The following HS6ST3 variants were observed in gnomAD, a reference collection of about 807,000 sequenced individuals.
HS6ST3 encodes the protein heparan sulfate 6-O-sulfotransferase 3, also known as heparan-sulfate 6-O-sulfotransferase 3.
In HS6ST3, 12 loss-of-function variants were observed where a neutral mutation model predicts 36.7. That is an observed-to-expected ratio of 0.33 (90% CI 0.21 to 0.53). The LOEUF is 0.53. HS6ST3 is among the 20% of genes least tolerant of loss of function. HS6ST3 has a pLI of 0.95. For synonymous variants in HS6ST3, 240 were observed against 257.5 expected (o/e 0.93, Z 0.65); for missense variants, 584 against 640.9 (o/e 0.91, Z 0.96).
chr13:96,829,271 G>A (rs188459122), intron 1 of HS6ST3, among the ~76,000 whole-genome samples: 45 of 152,088 alleles, frequency 3.0e-4, no homozygotes, highest in Non-Finnish European at 2.9e-5. Context: ...GTTTTGAGAA[G>A]AAGGGGGTAA....
At chr13:96,409,753 A>G (rs1296491452) in intron 1 of HS6ST3, among the ~76,000 whole-genome samples, 1 of 152,224 alleles carries the variant, frequency 6.6e-6, no homozygotes, top group African/African-American at 2.4e-5. Context: ...ATGGAATTAG[A>G]CACCAAGAAG....
chr13:96,520,399 G>C (rs948168827), intron 1 of HS6ST3, among the ~76,000 whole-genome samples: 2 of 152,162 alleles, frequency 1.3e-5, no homozygotes, highest in African/African-American at 4.8e-5. Context: ...AAGAAAGTCA[G>C]TGGTAGCTTG....
At chr13:96,567,250 A>C (rs1224688359) in intron 1 of HS6ST3, among the ~76,000 whole-genome samples, 1 of 152,088 alleles carries the variant, frequency 6.6e-6, no homozygotes, top group Non-Finnish European at 1.5e-5. Context: ...CTGAGCAAAA[A>C]TTGTATTTCA....
At chr13:96,224,935 G>A (rs566278626) in intron 1 of HS6ST3, among the ~76,000 whole-genome samples, 11 of 152,304 alleles carry the variant, frequency 7.2e-5, no homozygotes, top group African/African-American at 2.4e-4. Context: ...TAAGTGGAGC[G>A]TGTTTGCATT....
chr13:96,490,497 TA>T (rs2055939540), intron 1 of HS6ST3, among the ~76,000 whole-genome samples: 1 of 152,162 alleles, frequency 6.6e-6, no homozygotes, highest in South Asian at 2.1e-4. Context: ...ATTACAATGC[TA>T]AAAGATTTAT....
intron 1 of HS6ST3, among the ~76,000 whole-genome samples, chr13:96,726,605 T>C (rs1288520530): frequency 6.6e-6 from 1 of 152,250 alleles, no homozygotes; most frequent in Non-Finnish European, 1.5e-5. Flanking sequence ...TTTTCTTGTA[T>C]AATTCATTGG....
chr13:96,336,889 C>G (rs2055104092), intron 1 of HS6ST3, among the ~76,000 whole-genome samples: 1 of 152,070 alleles, frequency 6.6e-6, no homozygotes, highest in Non-Finnish European at 1.5e-5. Flanking sequence ...ACAGGTGAGC[C>G]AAGAAGTATG....
At chr13:96,550,962 A>T (rs1193456811) in intron 1 of HS6ST3, among the ~76,000 whole-genome samples, 1 of 152,210 alleles carries the variant, frequency 6.6e-6, no homozygotes. Context: ...CAGTAATTAT[A>T]AAATTATTAA....
intron 1 of HS6ST3, among the ~76,000 whole-genome samples, chr13:96,543,977 C>A (rs2056187970): frequency 6.9e-6 from 1 of 144,074 alleles, no homozygotes; most frequent in African/African-American, 2.8e-5. Context: ...ATATATAATT[C>A]TAAACCTTAT....
chr13:96,097,258 A>G (rs1171178534), intron 1 of HS6ST3, among the ~76,000 whole-genome samples: 1 of 152,162 alleles, frequency 6.6e-6, no homozygotes, highest in Non-Finnish European at 1.5e-5. Context: ...AGCTGCCAAC[A>G]ATGTGGATTT....
chr13:96,106,664 AG>A (rs2053843203), intron 1 of HS6ST3, among the ~76,000 whole-genome samples: 1 of 152,244 alleles, frequency 6.6e-6, no homozygotes, highest in African/African-American at 2.4e-5. Flanking sequence ...ACCAAAATGA[AG>A]GCAGCGTATT....
intron 1 of HS6ST3, among the ~76,000 whole-genome samples, chr13:96,408,599 G>T (rs1373880024): frequency 6.6e-6 from 1 of 152,080 alleles, no homozygotes; most frequent in Non-Finnish European, 1.5e-5. Context: ...TGACAGTTAG[G>T]CCTACAGATG....
chr13:96,404,863 T>C (rs1415409992), intron 1 of HS6ST3, among the ~76,000 whole-genome samples: 4 of 152,194 alleles, frequency 2.6e-5, no homozygotes, highest in African/African-American at 4.8e-5. Context: ...TAGCCACATA[T>C]AATGGGAGGA....
intron 1 of HS6ST3, among the ~76,000 whole-genome samples, chr13:96,674,112 T>A (rs1334937024): frequency 1.3e-5 from 2 of 151,868 alleles, no homozygotes; most frequent in African/African-American, 4.8e-5. Context: ...GAATGGGAGG[T>A]GACTGGATCA....
chr13:96,468,609 A>G (rs1454634681), intron 1 of HS6ST3, among the ~76,000 whole-genome samples: 1 of 152,118 alleles, frequency 6.6e-6, no homozygotes, highest in Non-Finnish European at 1.5e-5. Context: ...TGGTTGAATT[A>G]TAGTTCCCAC....
chr13:96,732,633 T>C (rs192899924), intron 1 of HS6ST3, among the ~76,000 whole-genome samples: 1 of 152,160 alleles, frequency 6.6e-6, no homozygotes, highest in Non-Finnish European at 1.5e-5. Context: ...CTATTCAGGG[T>C]ATTTTTTGGT....
At chr13:96,811,082 G>T (rs1056876058) in intron 1 of HS6ST3, among the ~76,000 whole-genome samples, 1 of 152,134 alleles carries the variant, frequency 6.6e-6, no homozygotes, top group African/African-American at 2.4e-5. Context: ...GCAGCAGCAA[G>T]CCCCTAGACA....
At chr13:96,264,364 A>G (rs1376693951) in intron 1 of HS6ST3, among the ~76,000 whole-genome samples, 5 of 152,116 alleles carry the variant, frequency 3.3e-5, no homozygotes, top group Non-Finnish European at 7.4e-5. Context: ...CTTTCACTGA[A>G]AGGGGCTCCA....
At chr13:96,540,215 G>A (rs959701217) in intron 1 of HS6ST3, among the ~76,000 whole-genome samples, 1 of 152,172 alleles carries the variant, frequency 6.6e-6, no homozygotes, top group Non-Finnish European at 1.5e-5. Context: ...TCTTTGGCAA[G>A]TTCAGCCTGA....
Sources: allele counts gnomAD v4.1 joint callset (sites outside exome capture counted in the v4.1 genomes callset), GRCh38; gene constraint gnomAD v4.1.1; transcripts MANE v1.5; gene names NCBI Gene and HGNC (gene_info 2026-07-23, HGNC 2026-07-21).